ZMYM5: variants seen among roughly 807,000 people sequenced by gnomAD.
ZMYM5 encodes the protein zinc finger MYM-type containing 5, also known as zinc finger MYM-type protein 5.
In ZMYM5, 41 loss-of-function variants were observed where a neutral mutation model predicts 61.8. The observed-to-expected ratio is 0.66, with a 90% confidence interval of 0.52 to 0.86. The LOEUF (loss-of-function observed/expected upper bound fraction) is 0.86, where lower values mean the gene tolerates loss of function less well. Among genes scored for constraint, ZMYM5 ranks in the 40% least tolerant of loss-of-function variants. The pLI, the probability that ZMYM5 is intolerant of heterozygous loss-of-function variation, is 0.00. For synonymous variants in ZMYM5, 257 were observed against 276.4 expected (o/e 0.93, Z 0.70); for missense variants, 706 against 786.7 (o/e 0.90, Z 1.23).
chr13:19,841,015 CAG>C (rs1274307591), intron 4 of ZMYM5, among the ~76,000 whole-genome samples: 1 of 129,142 alleles, frequency 7.7e-6, no homozygotes, highest in African/African-American at 2.8e-5. Context: ...TTTTTTGAGA[CAG>C]AGTCTTGCAC....
intron 4 of ZMYM5, among the ~76,000 whole-genome samples, chr13:19,849,064 G>T (rs1460316333): frequency 6.6e-6 from 1 of 151,990 alleles, no homozygotes; most frequent in Non-Finnish European, 1.5e-5. Flanking sequence ...GCATGTAAAT[G>T]ATGAAAAAAA....
At position 19,852,032 on chromosome 13, in the gene ZMYM5, G is replaced by C; in HGVS notation, c.149C>G (p.Pro50Arg). ...ATCATCATCATCATCATCTTCCACTGGTGAGTTCCTAGATCTACTGACTAA... is the reference window on the plus strand; with the variant it reads ...ATCATCATCATCATCATCTTCCACTCGTGAGTTCCTAGATCTACTGACTAA... Reference protein sequence around the residue: ...CPLVSRSRNSPVEDDDDDDDV... With the variant: ...CPLVSRSRNSRVEDDDDDDDV... The change falls in exon 3 of 8, where the codon CCA becomes CGA. Residue 50 changes from proline to arginine, a missense_variant. This residue lies in a region of ZMYM5 where 480 missense variants were observed against 461.7 expected (regional missense o/e 1.04). Coordinates refer to ENST00000337963, the MANE Select transcript of ZMYM5 (RefSeq NM_001142684.2). 1 of 1,613,904 alleles carries C rather than the reference G, an allele frequency of 6.2e-7. No individual in the cohort carries two copies. The highest frequency in any genetic ancestry group is 8.5e-7 in the Non-Finnish European group (1 of 1,179,984).
intron 7 of ZMYM5, among the ~76,000 whole-genome samples, chr13:19,831,854 A>G (rs1227852034): frequency 6.9e-6 from 1 of 144,946 alleles, no homozygotes; most frequent in African/African-American, 2.5e-5. Context: ...TTGACTATGC[A>G]TATTTCTTCT....
intron 7 of ZMYM5, 69 bp downstream of exon 7, chr13:19,835,408 G>A (rs1009872640): frequency 1.5e-5 from 16 of 1,056,884 alleles, no homozygotes; most frequent in East Asian, 1.1e-4. Flanking sequence ...AGATAAATCC[G>A]GTTCATGTAA....
chr13:19,840,575 T>C (rs140201674), intron 4 of ZMYM5, among the ~76,000 whole-genome samples: 1,844 of 152,232 alleles, frequency 0.012, 39 homozygotes, highest in African/African-American at 0.041. Flanking sequence ...GGTCTCACTA[T>C]GTTGCCCAGG....
At chr13:19,831,813 A>AC (rs1891238227) in intron 7 of ZMYM5, among the ~76,000 whole-genome samples, 4 of 150,174 alleles carry the variant, frequency 2.7e-5, no homozygotes, top group Admixed American at 6.7e-5. Flanking sequence ...AAAAAAAAAA[A>AC]ACCATATGTA....
intron 4 of ZMYM5, among the ~76,000 whole-genome samples, chr13:19,839,786 G>A (rs542450196): frequency 6.6e-6 from 1 of 152,208 alleles, no homozygotes; most frequent in African/African-American, 2.4e-5. Context: ...TACTTTAGAC[G>A]CAGTAGTTTA....
chr13:19,843,583 T>C (rs1283529576), intron 4 of ZMYM5: 1 of 152,012 alleles, frequency 6.6e-6, no homozygotes, highest in African/African-American at 2.4e-5. Flanking sequence ...ATGCCTATAA[T>C]CCCAGCACTT....
At chr13:19,850,563 T>C (rs1172051432) in intron 4 of ZMYM5, among the ~76,000 whole-genome samples, 1 of 152,004 alleles carries the variant, frequency 6.6e-6, no homozygotes, top group African/African-American at 2.4e-5. Flanking sequence ...ATGACGCCAT[T>C]GCACTCCAGC....
intron 7 of ZMYM5, among the ~76,000 whole-genome samples, chr13:19,831,628 C>T (rs1448174437): frequency 2.6e-5 from 4 of 151,116 alleles, no homozygotes; most frequent in African/African-American, 7.3e-5. Context: ...AAACCCCGTC[C>T]GTCTCTACCA....
chr13:19,856,294 G>C (rs1164613999), intron 2 of ZMYM5, among the ~76,000 whole-genome samples: 3 of 152,138 alleles, frequency 2.0e-5, no homozygotes, highest in South Asian at 2.1e-4. Flanking sequence ...AATGAGGTGA[G>C]TGGACATGCA....
At chr13:19,825,289 T>C (rs1206234067) in intron 7 of ZMYM5, 54 bp from the exon 8 acceptor site, 2 of 1,178,676 alleles carry the variant, frequency 1.7e-6, no homozygotes, top group Non-Finnish European at 1.1e-6. Flanking sequence ...TAAAAATTAA[T>C]GTATATTCAA....
intron 4 of ZMYM5, among the ~76,000 whole-genome samples, chr13:19,849,476 G>T (rs9579714): frequency 6.6e-6 from 1 of 151,792 alleles, no homozygotes; most frequent in African/African-American, 2.4e-5. Flanking sequence ...TAAATCAGCA[G>T]GATACAAAAC....
rs146644708 is a variant in ZMYM5 at position 19,837,001 on chromosome 13, G to C, written c.1038+655C>G. 4.2e-3 allele frequency among the ~76,000 whole-genome samples: 631 copies of C among 150,144 alleles called. 2 individuals are homozygous for C. The highest frequency in any genetic ancestry group is 0.015 in the African/African-American group (612 of 41,030). The stretch of plus-strand genomic sequence containing the variant: ...ATTCAGGGAATACATGTGCAGGTTT[G>C]TTAGATGGGTATGTTGTTTTTTGTT... On this transcript the variant is annotated intron_variant, in intron 6 of 7. Coordinates refer to ENST00000337963, the MANE Select transcript of ZMYM5 (RefSeq NM_001142684.2).
intron 7 of ZMYM5, among the ~76,000 whole-genome samples, chr13:19,833,284 G>C (rs574222350): frequency 6.6e-6 from 1 of 152,104 alleles, no homozygotes; most frequent in Non-Finnish European, 1.5e-5. Flanking sequence ...AATATTTCCA[G>C]TTTTACATTA....
intron 2 of ZMYM5, among the ~76,000 whole-genome samples, chr13:19,861,999 T>G (rs994962495): frequency 6.6e-6 from 1 of 152,268 alleles, no homozygotes; most frequent in Admixed American, 6.5e-5. Context: ...GCTGGAGGAC[T>G]GTCAGGGTAC....
At chr13:19,830,359 T>C (rs967091070) in intron 7 of ZMYM5, among the ~76,000 whole-genome samples, 1 of 152,170 alleles carries the variant, frequency 6.6e-6, no homozygotes, top group East Asian at 1.9e-4. Context: ...ATCATGCCTA[T>C]ATTTGGCAAC....
intron 1 of ZMYM5, among the ~76,000 whole-genome samples, chr13:19,862,965 G>A (rs1402545716): frequency 6.6e-6 from 1 of 152,210 alleles, no homozygotes; most frequent in Non-Finnish European, 1.5e-5. Flanking sequence ...AGTAAAAGCC[G>A]CGCAGCGCCT....
chr13:19,861,611 T>C (rs1953765495), intron 2 of ZMYM5, among the ~76,000 whole-genome samples: 1 of 152,228 alleles, frequency 6.6e-6, no homozygotes, highest in Non-Finnish European at 1.5e-5. Context: ...AATCACAAGT[T>C]TGTTTTTGAT....
Sources: gnomAD v4.1 joint callset for allele counts (sites outside exome capture counted in the v4.1 genomes callset) on GRCh38, gnomAD v4.1.1 for gene constraint, gnomAD v4.1.1 regional missense constraint, MANE v1.5 for transcripts, NCBI Gene and HGNC (gene_info 2026-07-23, HGNC 2026-07-21) for gene names.